The following PTPRO variants were observed in gnomAD, a reference collection of about 807,000 sequenced individuals.
PTPRO encodes protein tyrosine phosphatase receptor type O.
A neutral mutation model predicts 145.2 loss-of-function variants in PTPRO; 62 were observed. The observed-to-expected ratio is 0.43, with a 90% CI of 0.35 to 0.53. The LOEUF is 0.53. Among genes scored for constraint, PTPRO ranks in the 20% least tolerant of loss-of-function variants. The pLI is 0.01. For synonymous variants in PTPRO, 565 were observed against 514.7 expected (o/e 1.10, Z -1.32); for missense variants, 1,345 against 1,482.7 (o/e 0.91, Z 1.53).
intron 14 of PTPRO, among the ~76,000 whole-genome samples, chr12:15,550,850 G>T (rs1445290451): frequency 6.6e-6 from 1 of 152,138 alleles, no homozygotes; most frequent in African/African-American, 2.4e-5. Flanking sequence ...TTGATATCCT[G>T]TTCTTCCGTG....
At chr12:15,588,485 C>CCACTTCCA (rs1398605514) in intron 24 of PTPRO, among the ~76,000 whole-genome samples, 3 of 152,286 alleles carry the variant, frequency 2.0e-5, no homozygotes, top group Middle Eastern at 6.8e-3. Flanking sequence ...GCATGTCAGT[C>CCACTTCCA]CACTTCCATC....
chr12:15,536,715 T>A (rs1023978166), intron 12 of PTPRO, among the ~76,000 whole-genome samples: 3 of 152,200 alleles, frequency 2.0e-5, no homozygotes, highest in African/African-American at 7.2e-5. Context: ...TGACCATACA[T>A]CCCTGTTGCC....
intron 1 of PTPRO, among the ~76,000 whole-genome samples, chr12:15,400,850 T>G (rs771742987): frequency 1.3e-5 from 2 of 152,350 alleles, no homozygotes; most frequent in Middle Eastern, 3.4e-3. Context: ...AAGTTACATA[T>G]AGTCTGTGAC....
chr12:15,574,791 A>G (rs931452476), intron 19 of PTPRO, among the ~76,000 whole-genome samples: 5 of 152,226 alleles, frequency 3.3e-5, no homozygotes, highest in Admixed American at 6.5e-5. Context: ...CATGCGATTC[A>G]GAAACAGTAA....
chr12:15,476,757 T>C (rs902589376), intron 1 of PTPRO, among the ~76,000 whole-genome samples: 15 of 151,640 alleles, frequency 9.9e-5, no homozygotes, highest in Non-Finnish European at 1.9e-4. Context: ...AAAATGCTCA[T>C]CATCACTGGC....
intron 2 of PTPRO, among the ~76,000 whole-genome samples, chr12:15,487,969 A>G (rs894126466): frequency 5.3e-5 from 8 of 152,138 alleles, no homozygotes; most frequent in African/African-American, 1.4e-4. Flanking sequence ...TCGATGTTGT[A>G]TCCTCTTCCT....
intron 2 of PTPRO, 22 bp from the exon 3 acceptor site, chr12:15,497,223 T>C (rs1942125168): frequency 6.5e-7 from 1 of 1,537,234 alleles, no homozygotes; most frequent in African/African-American, 1.4e-5. Flanking sequence ...TTTCCCTTTC[T>C]CCATTTACTT....
At chr12:15,438,800 G>A (rs1201827326) in intron 1 of PTPRO, among the ~76,000 whole-genome samples, 1 of 152,148 alleles carries the variant, frequency 6.6e-6, no homozygotes. Context: ...AATAATTCAA[G>A]TAACATGCCT....
At chr12:15,465,351 G>T (rs1416039895) in intron 1 of PTPRO, among the ~76,000 whole-genome samples, 1 of 152,138 alleles carries the variant, frequency 6.6e-6, no homozygotes, top group Non-Finnish European at 1.5e-5. Context: ...CGTGCAAAAT[G>T]TTCTAGCTAT....
At chr12:15,544,792 G>A (rs1943248567) in intron 12 of PTPRO, among the ~76,000 whole-genome samples, 1 of 152,168 alleles carries the variant, frequency 6.6e-6, no homozygotes, top group South Asian at 2.1e-4. Flanking sequence ...AGTGAGAAGT[G>A]GAAATTGACC....
chr12:15,489,982 TG>T (rs1330746627), intron 2 of PTPRO, among the ~76,000 whole-genome samples: 10 of 152,326 alleles, frequency 6.6e-5, no homozygotes, highest in African/African-American at 2.4e-4. Context: ...AAAGTTAAGA[TG>T]GCAAGTGTTA....
intron 1 of PTPRO, among the ~76,000 whole-genome samples, chr12:15,339,001 A>G (rs934831272): frequency 1.3e-5 from 2 of 152,180 alleles, no homozygotes; most frequent in African/African-American, 4.8e-5. Context: ...GTAAGAAGCT[A>G]AAGGGCAATA....
intron 1 of PTPRO, among the ~76,000 whole-genome samples, chr12:15,398,844 T>C (rs750694745): frequency 6.6e-6 from 1 of 152,198 alleles, no homozygotes; most frequent in African/African-American, 2.4e-5. Flanking sequence ...CATGAGTGTA[T>C]TAATTCAGGA....
At chr12:15,516,631 A>AAGGGAGGG (rs1491523040) in intron 8 of PTPRO, 132 bp from the exon 9 acceptor site, 3 of 703,436 alleles carry the variant, frequency 4.3e-6, no homozygotes, top group Non-Finnish European at 7.2e-6. Context: ...GGAAGGAAGG[A>AAGGGAGGG]AGGAAGGGAG....
chr12:15,550,119 C>A (rs1440338288), intron 14 of PTPRO, among the ~76,000 whole-genome samples: 2 of 152,122 alleles, frequency 1.3e-5, no homozygotes, highest in African/African-American at 4.8e-5. Flanking sequence ...TTGACTCCCT[C>A]AAAACTTAAC....
At chr12:15,497,497 A>G in intron 3 of PTPRO, 94 bp downstream of exon 3, 1 of 1,323,498 alleles carries the variant, frequency 7.6e-7, no homozygotes, top group Non-Finnish European at 1.1e-6. Context: ...AAGAGGTTTT[A>G]TAATTCACTA....
intron 6 of PTPRO, among the ~76,000 whole-genome samples, chr12:15,505,994 C>T (rs1187517334): frequency 6.6e-6 from 1 of 152,056 alleles, no homozygotes; most frequent in South Asian, 2.1e-4. Flanking sequence ...CATACTGAAT[C>T]GCAGAAATTT....
chr12:15,490,592 T>G (rs1415817131), intron 2 of PTPRO, among the ~76,000 whole-genome samples: 1 of 152,196 alleles, frequency 6.6e-6, no homozygotes, highest in Non-Finnish European at 1.5e-5. Flanking sequence ...GATTTGGCCT[T>G]GTGGACTGTA....
chr12:15,361,223 G>A (rs1166301218), intron 1 of PTPRO, among the ~76,000 whole-genome samples: 1 of 151,560 alleles, frequency 6.6e-6, no homozygotes, highest in African/African-American at 2.4e-5. Context: ...AGATCACGAG[G>A]TTAGGAGATC....
Sources: gnomAD v4.1 joint callset for allele counts (sites outside exome capture counted in the v4.1 genomes callset) on GRCh38, gnomAD v4.1.1 for gene constraint, MANE v1.5 for transcripts, NCBI Gene and HGNC (gene_info 2026-07-23, HGNC 2026-07-21) for gene names.